RPH3A: variants seen among roughly 807,000 people sequenced by gnomAD.
RPH3A encodes rabphilin-3A.
A neutral mutation model predicts 102.2 loss-of-function variants in RPH3A; 48 were observed. That is an observed-to-expected ratio of 0.47 (90% CI 0.37 to 0.60). The LOEUF (loss-of-function observed/expected upper bound fraction) is 0.60, where lower values mean the gene tolerates loss of function less well. Ranked by LOEUF, RPH3A falls within the 20% of genes least tolerant of loss-of-function variation. The probability of loss-of-function intolerance (pLI) is 0.00; values close to 1 mark genes in which losing one functional copy is unlikely to be tolerated. For synonymous variants in RPH3A, 310 were observed against 324.3 expected, an observed-to-expected ratio of 0.96 and a Z score of 0.47; for missense variants, 781 against 910.1, an observed-to-expected ratio of 0.86 and a Z score of 1.83.
At chr12:112,833,652 T>G (rs187255303) in intron 3 of RPH3A, among the ~76,000 whole-genome samples, 1 of 152,344 alleles carries the variant, frequency 6.6e-6, no homozygotes, top group Non-Finnish European at 1.5e-5. Flanking sequence ...TTTTAAAAAT[T>G]GCTTTACAGA....
chr12:112,713,092 T>G (rs1012911179), intron 1 of RPH3A, among the ~76,000 whole-genome samples: 1 of 139,862 alleles, frequency 7.1e-6, no homozygotes, highest in African/African-American at 2.7e-5. Flanking sequence ...CTTCTTCTTC[T>G]TCTTCTTCTT....
chr12:112,704,238 G>A lies in RPH3A; in HGVS notation c.-139-87905G>A, dbSNP rs146623329. ...TGAGTACCTGGGACTACAGGCGTAA[G>A]CCGTCACACCTGGATAATTTTTGTA... On this transcript the variant is annotated intron_variant, in intron 1 of 21. Coordinates refer to the RPH3A transcript ENST00000543106. 3.6e-3 allele frequency among the ~76,000 whole-genome samples: 551 copies of A among 152,188 alleles called. 3 individuals carry two copies. Among genetic ancestry groups the A allele is most frequent in the African/African-American group, 0.013 (523 of 41,520 alleles).
chr12:112,776,201 TGAA>T (rs1489984161), intron 1 of RPH3A, among the ~76,000 whole-genome samples: 1 of 152,208 alleles, frequency 6.6e-6, no homozygotes, highest in Non-Finnish European at 1.5e-5. Flanking sequence ...CTACTATGAG[TGAA>T]GAAGTCTGCT....
intron 1 of RPH3A, among the ~76,000 whole-genome samples, chr12:112,708,734 G>A (rs1692853241): frequency 6.6e-6 from 1 of 152,158 alleles, no homozygotes; most frequent in African/African-American, 2.4e-5. Context: ...TGACCTCAGA[G>A]AATTATCAAG....
At chr12:112,580,528 CGAGTAGCT>C (rs1262136549) in intron 1 of RPH3A, among the ~76,000 whole-genome samples, 1 of 151,010 alleles carries the variant, frequency 6.6e-6, no homozygotes, top group Non-Finnish European at 1.5e-5. Flanking sequence ...CTCAGCCTCC[CGAGTAGCT>C]GGGACCACCG....
At chr12:112,701,291 T>C (rs190978771) in intron 1 of RPH3A, among the ~76,000 whole-genome samples, 4 of 152,286 alleles carry the variant, frequency 2.6e-5, no homozygotes, top group Non-Finnish European at 4.4e-5. Flanking sequence ...GGTGTAATGA[T>C]AGATGGGGGT....
chr12:112,636,247 C>A (rs1382720204), intron 1 of RPH3A, among the ~76,000 whole-genome samples: 1 of 152,112 alleles, frequency 6.6e-6, no homozygotes, highest in Non-Finnish European at 1.5e-5. Flanking sequence ...ATGGAGACCA[C>A]CCACTTTCCT....
intron 1 of RPH3A, among the ~76,000 whole-genome samples, chr12:112,756,781 G>A (rs148133991): frequency 1.2e-3 from 178 of 152,258 alleles, no homozygotes; most frequent in Non-Finnish European, 2.0e-3. Flanking sequence ...GAATTGCTGT[G>A]TCAAAAAATA....
chr12:112,586,045 AT>A (rs1299172181), intron 1 of RPH3A, among the ~76,000 whole-genome samples: 5 of 152,160 alleles, frequency 3.3e-5, no homozygotes, highest in Non-Finnish European at 7.3e-5. Context: ...TACTTTTCAT[AT>A]GTAAAAAGAA....
chr12:112,760,252 G>T (rs2040846947), intron 1 of RPH3A, among the ~76,000 whole-genome samples: 1 of 152,182 alleles, frequency 6.6e-6, no homozygotes, highest in Non-Finnish European at 1.5e-5. Flanking sequence ...TCCTAGCTCT[G>T]CTGCTTACTA....
Position 112,675,127 on chromosome 12 carries a change from A to G in RPH3A, c.-140+99808A>G, listed in dbSNP as rs538827794. On this transcript the variant is annotated intron_variant, in intron 1 of 21. Transcript: ENST00000543106. Reference sequence around the variant, plus strand: ...AACCAGGCAGGTTTCATGTGTCTAAAGTTTTATTATTTGATACAAGAACTT... The same window carrying G: ...AACCAGGCAGGTTTCATGTGTCTAAGGTTTTATTATTTGATACAAGAACTT... 5.3e-5 allele frequency among the ~76,000 whole-genome samples: 8 copies of G among 152,102 alleles called. No homozygotes were observed. In the South Asian group the frequency reaches 1.7e-3, roughly 32 times the overall value.
chr12:112,577,983 G>T (rs2039371285), intron 1 of RPH3A, among the ~76,000 whole-genome samples: 1 of 152,134 alleles, frequency 6.6e-6, no homozygotes, highest in Non-Finnish European at 1.5e-5. Context: ...TAGAGATTCA[G>T]TCTCTTAGAC....
intron 1 of RPH3A, among the ~76,000 whole-genome samples, chr12:112,770,266 G>A (rs976531529): frequency 6.6e-6 from 1 of 152,080 alleles, no homozygotes; most frequent in East Asian, 1.9e-4. Flanking sequence ...TGGAGTGGCT[G>A]TCTCAGAATT....
chr12:112,886,503 C>G (rs2043003933), intron 16 of RPH3A, among the ~76,000 whole-genome samples: 1 of 152,050 alleles, frequency 6.6e-6, no homozygotes, highest in Non-Finnish European at 1.5e-5. Context: ...ACTGATCTGA[C>G]AGGAGGCGGA....
intron 1 of RPH3A, among the ~76,000 whole-genome samples, chr12:112,626,993 G>A (rs2039771100): frequency 9.5e-6 from 1 of 105,484 alleles, no homozygotes; most frequent in Admixed American, 1.1e-4. Flanking sequence ...CTCACTCATA[G>A]GTGGGAATTG....
chr12:112,796,009 G>C (rs935793105), intron 2 of RPH3A, among the ~76,000 whole-genome samples: 8 of 152,180 alleles, frequency 5.3e-5, no homozygotes, highest in African/African-American at 1.9e-4. Context: ...GGAGGACAAA[G>C]CTTGGAGACA....
intron 1 of RPH3A, among the ~76,000 whole-genome samples, chr12:112,766,346 G>T (rs2040888386): frequency 6.6e-6 from 1 of 152,170 alleles, no homozygotes; most frequent in African/African-American, 2.4e-5. Flanking sequence ...GCTTATAACT[G>T]CCTGGTACAT....
chr12:112,730,545 G>C (rs1738640875), intron 1 of RPH3A, among the ~76,000 whole-genome samples: 1 of 152,186 alleles, frequency 6.6e-6, no homozygotes, highest in Admixed American at 6.5e-5. Context: ...GTTGGCTGAG[G>C]CTGTGCAAGG....
intron 1 of RPH3A, among the ~76,000 whole-genome samples, chr12:112,645,239 TC>T (rs2039919506): frequency 6.6e-6 from 1 of 152,152 alleles, no homozygotes; most frequent in African/African-American, 2.4e-5. Flanking sequence ...CTGGATTTTT[TC>T]CCCCTACAAC....
Sources: gnomAD v4.1 joint callset for allele counts (sites outside exome capture counted in the v4.1 genomes callset) on GRCh38, gnomAD v4.1.1 for gene constraint, MANE v1.5 for transcripts, NCBI Gene and HGNC (gene_info 2026-07-23, HGNC 2026-07-21) for gene names.